CIRSR: variants seen among roughly 807,000 people sequenced by gnomAD.
CIRSR encodes corepressor of RBPJ and splicing regulator, also known as CBF1 (RBPJ) interacting corepressor 1.
the CIRSR span, among the ~76,000 whole-genome samples, chr2:174,350,267 G>A: frequency 1.3e-5 from 2 of 151,986 alleles, no homozygotes; most frequent in East Asian, 1.9e-4. Flanking sequence ...CAAAATTCAC[G>A]TTTACCTTAA....
chr2:174,388,461 C>G, the CIRSR span, among the ~76,000 whole-genome samples: 153 of 152,256 alleles, frequency 1.0e-3, 2 homozygotes, highest in African/African-American at 3.6e-3. Flanking sequence ...TCAGCCTCCC[C>G]AAGTGCTGGG....
the CIRSR span, among the ~76,000 whole-genome samples, chr2:174,379,869 GC>G: frequency 6.6e-6 from 1 of 151,512 alleles, no homozygotes. Context: ...GATTACAGGC[GC>G]CTGCCACCAT....
chr2:174,387,529 C>T, the CIRSR span: 2 of 688,610 alleles, frequency 2.9e-6, no homozygotes, highest in Non-Finnish European at 4.4e-6. Flanking sequence ...TGGTCATCTA[C>T]AGGTATGAGA....
the CIRSR span, among the ~76,000 whole-genome samples, chr2:174,386,988 A>C: frequency 6.6e-6 from 1 of 152,208 alleles, no homozygotes; most frequent in African/African-American, 2.4e-5. Context: ...GGAGTACTCA[A>C]TAAAAGTTAC....
the CIRSR span, among the ~76,000 whole-genome samples, chr2:174,374,672 G>A: frequency 6.6e-6 from 1 of 152,212 alleles, no homozygotes; most frequent in Non-Finnish European, 1.5e-5. Context: ...ATGCCTGGCT[G>A]TAAACCTGGC....
chr2:174,356,522 A>AG, the CIRSR span, among the ~76,000 whole-genome samples: 85 of 135,596 alleles, frequency 6.3e-4, no homozygotes, highest in East Asian at 6.1e-3. Context: ...GAAGAAAGAA[A>AG]GAAAGAAGAA....
the CIRSR span, among the ~76,000 whole-genome samples, chr2:174,354,459 TATATAAA>T: frequency 3.2e-5 from 3 of 92,474 alleles, no homozygotes; most frequent in African/African-American, 4.5e-5. Context: ...TATAATATAA[TATATAAA>T]ATATATATAA....
chr2:174,386,971 C>T, the CIRSR span, among the ~76,000 whole-genome samples: 10 of 152,122 alleles, frequency 6.6e-5, no homozygotes, highest in African/African-American at 1.7e-4. Flanking sequence ...CACTTATTGC[C>T]ATGCATGGAG....
the CIRSR span, among the ~76,000 whole-genome samples, chr2:174,385,319 A>C: frequency 6.6e-6 from 1 of 152,094 alleles, no homozygotes; most frequent in Non-Finnish European, 1.5e-5. Context: ...CTAGGACAGT[A>C]AAAACAAAAG....
At chr2:174,351,721 T>C in the CIRSR span, 2 of 1,611,694 alleles carry the variant, frequency 1.2e-6, no homozygotes, top group East Asian at 2.2e-5. Context: ...GGTGCATCGA[T>C]GGCCCTGTTC....
chr2:174,369,306 C>G, the CIRSR span, among the ~76,000 whole-genome samples: 1 of 152,216 alleles, frequency 6.6e-6, no homozygotes, highest in South Asian at 2.1e-4. Context: ...TTCCTCACCT[C>G]TATTACCCTT....
At chr2:174,350,614 A>AT in the CIRSR span, 11 of 1,273,128 alleles carry the variant, frequency 8.6e-6, no homozygotes, top group East Asian at 2.6e-4. Context: ...ACTGAGATGA[A>AT]TACTAAGGAA....
chr2:174,360,968 TTTC>T, the CIRSR span, among the ~76,000 whole-genome samples: 2 of 152,342 alleles, frequency 1.3e-5, no homozygotes, highest in East Asian at 3.9e-4. Context: ...TAGGCCAGTA[TTTC>T]TTTTCAACTA....
At chr2:174,387,786 T>C in the CIRSR span, 3 of 1,567,112 alleles carry the variant, frequency 1.9e-6, no homozygotes, top group Non-Finnish European at 2.6e-6. Context: ...ATACCTAGAT[T>C]AGTGAAGTAA....
At chr2:174,359,222 G>A in the CIRSR span, among the ~76,000 whole-genome samples, 2 of 151,858 alleles carry the variant, frequency 1.3e-5, no homozygotes, top group East Asian at 3.9e-4. Flanking sequence ...AAGGACAGAA[G>A]GGCATTTTCT....
the CIRSR span, among the ~76,000 whole-genome samples, chr2:174,368,797 CTTT>C: frequency 2.0e-5 from 3 of 152,352 alleles, no homozygotes; most frequent in South Asian, 6.2e-4. Flanking sequence ...TAAAAGGCAT[CTTT>C]TCTCCTGAGC....
chr2:174,371,259 AATTGTAT>A, the CIRSR span, among the ~76,000 whole-genome samples: 1 of 152,200 alleles, frequency 6.6e-6, no homozygotes, highest in South Asian at 2.1e-4. Context: ...CAAATAGGTA[AATTGTAT>A]GGTATGCAAA....
At chr2:174,350,897 A>T in the CIRSR span, 8 of 585,316 alleles carry the variant, frequency 1.4e-5, no homozygotes, top group Non-Finnish European at 1.7e-5. Flanking sequence ...GAATTAAAAA[A>T]TTTTTTTGTA....
At chr2:174,360,115 C>T in the CIRSR span, among the ~76,000 whole-genome samples, 22 of 152,238 alleles carry the variant, frequency 1.4e-4, no homozygotes, top group Non-Finnish European at 2.6e-4. Context: ...ATGTAAATGA[C>T]GAGTTAATGG....
Sources: gnomAD v4.1 joint callset for allele counts (sites outside exome capture counted in the v4.1 genomes callset) on GRCh38, gnomAD v4.1.1 for gene constraint, MANE v1.5 for transcripts, NCBI Gene and HGNC (gene_info 2026-07-23, HGNC 2026-07-21) for gene names.